The following ADAM22 variants were observed in gnomAD, a reference collection of about 807,000 sequenced individuals.
ADAM22 encodes the protein ADAM metallopeptidase domain 22.
ADAM22 carries 65 observed loss-of-function variants against 144.6 expected under a neutral mutation model. The ratio of observed to expected loss-of-function variants is 0.45; its 90% CI spans 0.37 to 0.55. The LOEUF (loss-of-function observed/expected upper bound fraction) is 0.55. Among genes scored for constraint, ADAM22 ranks in the 20% least tolerant of loss-of-function variants. The pLI, the probability that ADAM22 is intolerant of heterozygous loss-of-function variation, is 0.00. For missense variants in ADAM22, 974 were observed against 1,184.9 expected, an observed-to-expected ratio of 0.82 and a Z score of 2.61; for synonymous variants, 391 against 412.6, an observed-to-expected ratio of 0.95 and a Z score of 0.63.
intron 31 of ADAM22, among the ~76,000 whole-genome samples, chr7:88,194,160 C>T (rs1352041961): frequency 6.6e-6 from 1 of 152,188 alleles, no homozygotes; most frequent in Non-Finnish European, 1.5e-5. Flanking sequence ...TTCCTGCCCT[C>T]CTCAAATAAT....
chr7:88,181,412 A>C (rs553102622), intron 27 of ADAM22, 93 bp from the exon 28 acceptor site: 1 of 916,792 alleles, frequency 1.1e-6, no homozygotes, highest in East Asian at 2.6e-5. Flanking sequence ...TATTTTATTT[A>C]ATGCACAGTA....
chr7:88,018,867 G>A (rs1024583844), intron 3 of ADAM22, among the ~76,000 whole-genome samples: 4 of 152,178 alleles, frequency 2.6e-5, no homozygotes, highest in African/African-American at 9.7e-5. Context: ...TAATTTCTGA[G>A]AAATAACTGA....
intron 3 of ADAM22, among the ~76,000 whole-genome samples, chr7:88,008,516 A>G (rs1007163244): frequency 6.6e-6 from 1 of 152,210 alleles, no homozygotes; most frequent in African/African-American, 2.4e-5. Flanking sequence ...TCCAACAATG[A>G]TAGACTGGAT....
chr7:88,050,004 T>C (rs899256075), intron 3 of ADAM22, among the ~76,000 whole-genome samples: 18 of 151,978 alleles, frequency 1.2e-4, no homozygotes, highest in African/African-American at 4.3e-4. Flanking sequence ...ACATGGTTTT[T>C]ATTTTGATTT....
At chr7:87,950,680 T>C (rs868521459) in intron 2 of ADAM22, among the ~76,000 whole-genome samples, 15 of 147,790 alleles carry the variant, frequency 1.0e-4, no homozygotes, top group Middle Eastern at 6.9e-3. Context: ...GGTCAAATGG[T>C]ATTTCTAGTT....
At chr7:88,014,930 G>A (rs1198325835) in intron 3 of ADAM22, among the ~76,000 whole-genome samples, 1 of 152,162 alleles carries the variant, frequency 6.6e-6, no homozygotes, top group East Asian at 1.9e-4. Flanking sequence ...AGATCTGGTG[G>A]AGGAAGCCTG....
intron 3 of ADAM22, among the ~76,000 whole-genome samples, chr7:88,053,536 A>G (rs1269695395): frequency 6.6e-6 from 1 of 151,208 alleles, no homozygotes; most frequent in Non-Finnish European, 1.5e-5. Flanking sequence ...TAGAGATTTC[A>G]GGATAACTCA....
intron 4 of ADAM22, among the ~76,000 whole-genome samples, chr7:88,091,958 C>T (rs548569026): frequency 1.3e-5 from 2 of 152,140 alleles, no homozygotes; most frequent in East Asian, 3.9e-4. Context: ...CCCCCACCCC[C>T]CGCTTTTTTT....
intron 3 of ADAM22, among the ~76,000 whole-genome samples, chr7:87,990,846 G>A (rs565701073): frequency 6.6e-6 from 1 of 152,080 alleles, no homozygotes; most frequent in East Asian, 1.9e-4. Context: ...TGTATTTTTA[G>A]TAGAGACGGA....
chr7:87,984,610 C>T (rs1424590428), intron 3 of ADAM22, among the ~76,000 whole-genome samples: 1 of 152,108 alleles, frequency 6.6e-6, no homozygotes, highest in Non-Finnish European at 1.5e-5. Context: ...CTAAAATTTC[C>T]CCGTTCCTAT....
At chr7:87,958,620 G>C (rs1182255423) in intron 2 of ADAM22, among the ~76,000 whole-genome samples, 1 of 152,080 alleles carries the variant, frequency 6.6e-6, no homozygotes, top group African/African-American at 2.4e-5. Flanking sequence ...TCTTGACCCT[G>C]TGATCTGCCC....
intron 22 of ADAM22, among the ~76,000 whole-genome samples, chr7:88,161,477 T>C (rs1335146704): frequency 2.0e-5 from 3 of 152,122 alleles, no homozygotes; most frequent in Non-Finnish European, 4.4e-5. Flanking sequence ...TGGAATCTAA[T>C]TAAACTAAAG....
At chr7:88,005,754 G>T (rs1265211640) in intron 3 of ADAM22, among the ~76,000 whole-genome samples, 3 of 151,954 alleles carry the variant, frequency 2.0e-5, no homozygotes, top group African/African-American at 7.3e-5. Context: ...GGTTCATTAG[G>T]CCTGAAAATC....
intron 4 of ADAM22, among the ~76,000 whole-genome samples, chr7:88,104,799 T>C (rs1344951696): frequency 8.3e-6 from 1 of 120,558 alleles, no homozygotes; most frequent in Non-Finnish European, 1.8e-5. Context: ...CAAATTGAGA[T>C]TTTTTTTTTC....
chr7:88,010,317 C>A (rs905805417), intron 3 of ADAM22, among the ~76,000 whole-genome samples: 2 of 152,200 alleles, frequency 1.3e-5, no homozygotes, highest in East Asian at 3.9e-4. Flanking sequence ...ACTTTTTTTG[C>A]AGGTGATGGA....
At chr7:87,944,927 A>G (rs1637507) in intron 2 of ADAM22, among the ~76,000 whole-genome samples, 98,705 of 144,140 alleles carry the variant, frequency 0.68, 33,279 homozygotes, top group African/African-American at 0.7. Context: ...CCTATTCTAT[A>G]TGTGTGTGTT....
chr7:87,959,004 C>G (rs1272105425), intron 2 of ADAM22, among the ~76,000 whole-genome samples: 1 of 151,924 alleles, frequency 6.6e-6, no homozygotes, highest in Non-Finnish European at 1.5e-5. Context: ...CTATTTAGAT[C>G]CTTAATGATT....
chr7:88,094,608 C>A (rs114054855), intron 4 of ADAM22, among the ~76,000 whole-genome samples: 1 of 152,128 alleles, frequency 6.6e-6, no homozygotes, highest in African/African-American at 2.4e-5. Context: ...TTTTTGCCTT[C>A]GTTTTCTCTT....
intron 21 of ADAM22, among the ~76,000 whole-genome samples, chr7:88,154,980 G>A (rs1009746754): frequency 6.6e-6 from 1 of 151,960 alleles, no homozygotes; most frequent in African/African-American, 2.4e-5. Flanking sequence ...TAATTAAAAT[G>A]TGTTGGATAT....
Sources: allele counts gnomAD v4.1 joint callset (sites outside exome capture counted in the v4.1 genomes callset), GRCh38; gene constraint gnomAD v4.1.1; transcripts MANE v1.5; gene names NCBI Gene and HGNC (gene_info 2026-07-23, HGNC 2026-07-21).